Variants in PLD5 observed in about 807,000 individuals in gnomAD.
The protein encoded by PLD5 is phospholipase D family member 5, also known as inactive phospholipase D5.
In PLD5, 36 loss-of-function variants were observed where a neutral mutation model predicts 61.1. The ratio of observed to expected loss-of-function variants is 0.59; its 90% CI spans 0.45 to 0.78. The LOEUF is 0.78. Among genes scored for constraint, PLD5 ranks in the 30% least tolerant of loss-of-function variants. PLD5 has a pLI of 0.00. For missense variants in PLD5, 515 were observed against 644.4 expected (o/e 0.80, Z 2.17); for synonymous variants, 243 against 242.8 (o/e 1.00, Z -0.01).
intron 2 of PLD5, among the ~76,000 whole-genome samples, chr1:242,325,342 T>C (rs1020827685): frequency 6.9e-6 from 1 of 144,162 alleles, no homozygotes; most frequent in Non-Finnish European, 1.5e-5. Context: ...GTAAGGGTGT[T>C]AAGCCTGCAT....
At chr1:242,474,659 C>T (rs184711941) in intron 1 of PLD5, among the ~76,000 whole-genome samples, 1 of 152,310 alleles carries the variant, frequency 6.6e-6, no homozygotes, top group East Asian at 1.9e-4. Flanking sequence ...GCATGGCCTA[C>T]ATCCTGACCT....
In PLD5 at chr1:242,293,975, T is replaced by C. The variant is rs113912886; in HGVS notation, c.327-5445A>G. Among the ~76,000 whole-genome samples the C allele has an allele frequency of 6.4e-3, 975 of 152,338 alleles. 10 individuals are homozygous for C. The highest frequency in any genetic ancestry group is 0.022 in the African/African-American group (916 of 41,572). On this transcript the variant is annotated intron_variant, in intron 2 of 9. Transcript: ENST00000536534. Reference sequence around the variant, plus strand: ...CTCCAGAGGCCTGATCTAATTAGCATAGAAGCAGAACTCATTTACATGCCA... The same window carrying C: ...CTCCAGAGGCCTGATCTAATTAGCACAGAAGCAGAACTCATTTACATGCCA...
At chr1:242,491,738 G>T (rs890290584) in intron 1 of PLD5, among the ~76,000 whole-genome samples, 2 of 152,012 alleles carry the variant, frequency 1.3e-5, no homozygotes, top group African/African-American at 4.8e-5. Context: ...TCATTCTGTG[G>T]CACTGTGTTC....
Position 242,340,931 on chromosome 1 carries a change from C to T in PLD5, c.326+7175G>A, listed in dbSNP as rs532053948. On this transcript the variant is annotated intron_variant, in intron 2 of 9. Coordinates refer to ENST00000536534, the MANE Select transcript of PLD5 (RefSeq NM_001372062.1). ...TACTGCAGCTTAAGAACGTTTCCTG[C>T]GGTATCATTGTGTCTATCAACAATA... 1.9e-3 allele frequency among the ~76,000 whole-genome samples: 293 copies of T among 151,950 alleles called. 1 individual carries two copies. Among genetic ancestry groups the T allele is most frequent in the Non-Finnish European group, 3.4e-3 (231 of 67,934 alleles).
At chr1:242,401,411 T>A (rs1663925168) in intron 1 of PLD5, among the ~76,000 whole-genome samples, 1 of 152,112 alleles carries the variant, frequency 6.6e-6, no homozygotes, top group Non-Finnish European at 1.5e-5. Context: ...AACAGGATCA[T>A]GTGGACCCCT....
intron 5 of PLD5, among the ~76,000 whole-genome samples, chr1:242,219,378 G>C (rs1412600715): frequency 6.6e-6 from 1 of 152,094 alleles, no homozygotes; most frequent in Non-Finnish European, 1.5e-5. Flanking sequence ...GATTTAAAAA[G>C]ATGTTCTGAG....
In PLD5 at chr1:242,088,142, A is replaced by G. The variant is rs1229648236; in HGVS notation, c.*1712T>C. On this transcript the variant is annotated 3_prime_UTR_variant, in exon 10 of 10. Transcript: ENST00000536534. ...CAAGTCTCCAGAAATGAAAAAGAATAACTGAGTGTTTCCTTGCTCTGAAAA... is the reference window on the plus strand; with the variant it reads ...CAAGTCTCCAGAAATGAAAAAGAATGACTGAGTGTTTCCTTGCTCTGAAAA... The G allele has an allele frequency of 6.6e-6, 1 of 152,232 alleles. No homozygotes were observed. Among genetic ancestry groups the G allele is most frequent in the Non-Finnish European group, 1.5e-5 (1 of 68,036 alleles). 9.4% of individuals were successfully genotyped at this position (152,232 alleles called of 1,614,324 possible).
At chr1:242,447,964 C>G (rs1572172062) in intron 1 of PLD5, among the ~76,000 whole-genome samples, 1 of 152,216 alleles carries the variant, frequency 6.6e-6, no homozygotes, top group East Asian at 1.9e-4. Context: ...GATTCTGCCT[C>G]AAGCATTCAG....
chr1:242,429,356 T>A (rs1665596087), intron 1 of PLD5, among the ~76,000 whole-genome samples: 1 of 152,218 alleles, frequency 6.6e-6, no homozygotes, highest in African/African-American at 2.4e-5. Context: ...GCAACCTAAG[T>A]TTAATTGTGG....
At chr1:242,140,963 G>A (rs368898416) in intron 5 of PLD5, among the ~76,000 whole-genome samples, 4 of 152,130 alleles carry the variant, frequency 2.6e-5, no homozygotes, top group African/African-American at 4.8e-5. Context: ...AGAATTGAAG[G>A]TCAGCTGTGG....
upstream of PLD5, among the ~76,000 whole-genome samples, chr1:242,525,725 G>C (rs1002495352): frequency 6.6e-6 from 1 of 152,156 alleles, no homozygotes; most frequent in Non-Finnish European, 1.5e-5. Flanking sequence ...TCTAGCCCTC[G>C]GCAGAACTGC....
intron 6 of PLD5, among the ~76,000 whole-genome samples, chr1:242,119,294 T>C (rs1322524049): frequency 6.6e-6 from 1 of 152,190 alleles, no homozygotes; most frequent in Non-Finnish European, 1.5e-5. Flanking sequence ...AGAATATATA[T>C]GTTCAAATAT....
intron 2 of PLD5, among the ~76,000 whole-genome samples, chr1:242,335,169 G>A (rs181319639): frequency 6.6e-6 from 1 of 151,628 alleles, no homozygotes; most frequent in Admixed American, 6.6e-5. Context: ...CTGAAACCAA[G>A]AGGTCAAGGA....
At chr1:242,382,137 A>AAAAC (rs1289521157) in intron 1 of PLD5, among the ~76,000 whole-genome samples, 1 of 151,480 alleles carries the variant, frequency 6.6e-6, no homozygotes, top group Non-Finnish European at 1.5e-5. Context: ...GCAAAAAAAA[A>AAAAC]AACAAAACAA....
intron 5 of PLD5, among the ~76,000 whole-genome samples, chr1:242,138,351 C>T (rs1274237277): frequency 2.6e-5 from 4 of 151,960 alleles, no homozygotes; most frequent in Middle Eastern, 6.8e-3. Context: ...AGTTATAAAA[C>T]AAAGCAGAAT....
intron 1 of PLD5, among the ~76,000 whole-genome samples, chr1:242,446,364 G>A (rs1360657350): frequency 6.6e-6 from 1 of 152,126 alleles, no homozygotes; most frequent in African/African-American, 2.4e-5. Context: ...GAGGCCAGGA[G>A]TTCGAGGCCA....
rs1553314393 is a variant in PLD5, at chr1:242,168,846, G to GTTGTTTT, written c.736-44182_736-44181insAAAACAA. Among the ~76,000 whole-genome samples the GTTGTTTT allele has an allele frequency of 2.1e-4, 23 of 111,280 alleles. 1 individual carries two copies. Among genetic ancestry groups the GTTGTTTT allele is most frequent in the Middle Eastern group, 6.3e-3 (1 of 158 alleles). The allele number at this position is 111,280 out of a possible 152,430, so 73.0% of individuals were successfully genotyped here. On this transcript the variant is annotated intron_variant, in intron 5 of 9. Coordinates refer to ENST00000536534, the MANE Select transcript of PLD5 (RefSeq NM_001372062.1). ...TCCATGACAGTTTTTAATTAATGAAGTTTTTTTTTTTTTTTTTTTTACCAC... is the reference window on the plus strand; with the variant it reads ...TCCATGACAGTTTTTAATTAATGAAGTTGTTTTTTTTTTTTTTTTTTTTTTTTACCAC...
At chr1:242,113,502 C>G (rs1346086623) in intron 7 of PLD5, among the ~76,000 whole-genome samples, 1 of 152,190 alleles carries the variant, frequency 6.6e-6, no homozygotes, top group Non-Finnish European at 1.5e-5. Context: ...CAAGACTACT[C>G]TGTTTCAATA....
At chr1:242,168,886 T>C (rs1666536974) in intron 5 of PLD5, among the ~76,000 whole-genome samples, 1 of 126,836 alleles carries the variant, frequency 7.9e-6, no homozygotes, top group African/African-American at 3.0e-5. Flanking sequence ...CATGATTCCA[T>C]TACTGAATGT....
Sources: allele counts gnomAD v4.1 joint callset (sites outside exome capture counted in the v4.1 genomes callset), GRCh38; gene constraint gnomAD v4.1.1; transcripts MANE v1.5; gene names NCBI Gene and HGNC (gene_info 2026-07-23, HGNC 2026-07-21).